LINGO2: variants seen among roughly 807,000 people sequenced by gnomAD.
LINGO2 encodes leucine-rich repeat and immunoglobulin-like domain-containing nogo receptor-interacting protein 2.
In LINGO2, 14 loss-of-function variants were observed where a neutral mutation model predicts 30.6. That is an observed-to-expected ratio of 0.46 (90% CI 0.30 to 0.72). The LOEUF is 0.72. Ranked by LOEUF, LINGO2 falls within the 30% of genes least tolerant of loss-of-function variation. The pLI, the probability that LINGO2 is intolerant of heterozygous loss-of-function variation, is 0.07. For synonymous variants in LINGO2, 317 were observed against 288.5 expected (o/e 1.10, Z -1.00); for missense variants, 729 against 751.7 (o/e 0.97, Z 0.35).
intron 3 of LINGO2, among the ~76,000 whole-genome samples, chr9:28,320,426 A>C (rs755428601): frequency 3.3e-5 from 5 of 152,184 alleles, no homozygotes; most frequent in Non-Finnish European, 7.4e-5. Context: ...ATGATGCTGC[A>C]GTTAGCCGAC....
intron 5 of LINGO2, among the ~76,000 whole-genome samples, chr9:27,986,160 A>AG (rs1821113645): frequency 6.6e-6 from 1 of 151,208 alleles, no homozygotes; most frequent in South Asian, 2.1e-4. Flanking sequence ...GGGGAACAGG[A>AG]GAAAAAAAAA....
At chr9:28,686,601 T>C in the LINGO2 span, among the ~76,000 whole-genome samples, 1 of 152,202 alleles carries the variant, frequency 6.6e-6, no homozygotes, top group Admixed American at 6.5e-5. Context: ...AACACCTGCA[T>C]TAATCCTGGA....
the LINGO2 span, among the ~76,000 whole-genome samples, chr9:29,178,280 T>G: frequency 6.6e-6 from 1 of 152,102 alleles, no homozygotes; most frequent in African/African-American, 2.4e-5. Flanking sequence ...GGCCTCGAAC[T>G]CCTGACCTCA....
intron 3 of LINGO2, among the ~76,000 whole-genome samples, chr9:28,348,577 C>T (rs1217346680): frequency 6.6e-5 from 10 of 152,234 alleles, no homozygotes; most frequent in African/African-American, 1.9e-4. Flanking sequence ...GGGGGAGGGG[C>T]GCCCACCATT....
the LINGO2 span, among the ~76,000 whole-genome samples, chr9:28,770,516 G>T: frequency 5.9e-5 from 9 of 152,058 alleles, 1 homozygote; most frequent in Non-Finnish European, 1.0e-4. Flanking sequence ...TTACATGAGG[G>T]TTTGGAAAGA....
the LINGO2 span, among the ~76,000 whole-genome samples, chr9:29,027,013 G>C: frequency 6.6e-6 from 1 of 152,120 alleles, no homozygotes; most frequent in Non-Finnish European, 1.5e-5. Flanking sequence ...GAATGCTCAG[G>C]ATGTGAGATT....
chr9:29,072,815 G>A, the LINGO2 span, among the ~76,000 whole-genome samples: 5 of 151,486 alleles, frequency 3.3e-5, no homozygotes, highest in Admixed American at 1.3e-4. Context: ...TTGAAATGTC[G>A]CTGGTACAAC....
intron 4 of LINGO2, among the ~76,000 whole-genome samples, chr9:28,248,694 A>T (rs548907659): frequency 2.0e-5 from 3 of 152,202 alleles, no homozygotes; most frequent in African/African-American, 7.2e-5. Context: ...ATTATTATGC[A>T]TTGCATGCCT....
chr9:28,442,899 C>T (rs1824256226), intron 2 of LINGO2, among the ~76,000 whole-genome samples: 1 of 152,090 alleles, frequency 6.6e-6, no homozygotes, highest in African/African-American at 2.4e-5. Context: ...GGATCAAATC[C>T]TTGGTTTGGT....
chr9:28,570,867 C>T (rs894171134), intron 1 of LINGO2, among the ~76,000 whole-genome samples: 2 of 151,820 alleles, frequency 1.3e-5, no homozygotes, highest in African/African-American at 4.8e-5. Context: ...TCTAAGTAGA[C>T]ATGCATTGTA....
At chr9:29,082,603 C>T in the LINGO2 span, among the ~76,000 whole-genome samples, 2 of 152,064 alleles carry the variant, frequency 1.3e-5, no homozygotes, top group Non-Finnish European at 2.9e-5. Context: ...AACTAAGGAG[C>T]TTCTGCACGG....
chr9:28,888,560 T>A, the LINGO2 span, among the ~76,000 whole-genome samples: 3 of 152,090 alleles, frequency 2.0e-5, no homozygotes, highest in African/African-American at 7.2e-5. Context: ...CTATAAATTA[T>A]CTTTCACATA....
At chr9:28,425,268 T>A in intron 2 of LINGO2, among the ~76,000 whole-genome samples, 1 of 148,024 alleles carries the variant, frequency 6.8e-6, no homozygotes, top group East Asian at 2.0e-4. Flanking sequence ...TTATATATTA[T>A]ATATTATATA....
At chr9:28,823,666 C>G in the LINGO2 span, among the ~76,000 whole-genome samples, 2 of 152,154 alleles carry the variant, frequency 1.3e-5, no homozygotes, top group Non-Finnish European at 2.9e-5. Context: ...GAAGCCCCAG[C>G]CCATACATAG....
chr9:28,042,007 G>A (rs1470710084), intron 4 of LINGO2, among the ~76,000 whole-genome samples: 1 of 151,914 alleles, frequency 6.6e-6, no homozygotes, highest in East Asian at 1.9e-4. Flanking sequence ...ATGGTTTTGG[G>A]CAAGTAACTG....
At chr9:28,199,701 T>A (rs1382793071) in intron 4 of LINGO2, among the ~76,000 whole-genome samples, 1 of 152,176 alleles carries the variant, frequency 6.6e-6, no homozygotes, top group Non-Finnish European at 1.5e-5. Context: ...TCCCTCCCAA[T>A]GTTTATCTCT....
the LINGO2 span, among the ~76,000 whole-genome samples, chr9:29,197,819 C>T: frequency 1.8e-4 from 28 of 152,056 alleles, no homozygotes; most frequent in South Asian, 4.6e-3. Flanking sequence ...AATAAATGTA[C>T]AGTAACTGAC....
At chr9:27,987,973 G>A (rs1821205149) in intron 5 of LINGO2, among the ~76,000 whole-genome samples, 1 of 151,972 alleles carries the variant, frequency 6.6e-6, no homozygotes, top group Non-Finnish European at 1.5e-5. Context: ...ATTTATATTA[G>A]GTGTATCTCC....
chr9:29,027,993 CCAAACTTTCCTGAT>C, the LINGO2 span, among the ~76,000 whole-genome samples: 1 of 152,116 alleles, frequency 6.6e-6, no homozygotes, highest in South Asian at 2.1e-4. Context: ...GTAGGTGATA[CCAAACTTTCCTGAT>C]AATTCAGGCA....
Sources: gnomAD v4.1 joint callset for allele counts (sites outside exome capture counted in the v4.1 genomes callset) on GRCh38, gnomAD v4.1.1 for gene constraint, MANE v1.5 for transcripts, NCBI Gene and HGNC (gene_info 2026-07-23, HGNC 2026-07-21) for gene names.